PARD3B: variants seen among roughly 807,000 people sequenced by gnomAD.
The protein encoded by PARD3B is partitioning defective 3 homolog B.
PARD3B carries 103 observed loss-of-function variants against 130.2 expected under a neutral mutation model. The observed-to-expected ratio is 0.79, with a 90% CI of 0.67 to 0.93. The LOEUF (loss-of-function observed/expected upper bound fraction) is 0.93, where lower values mean the gene tolerates loss of function less well. Ranked by LOEUF, PARD3B falls within the 40% of genes least tolerant of loss-of-function variation. The probability of loss-of-function intolerance (pLI) is 0.00; values close to 1 mark genes in which losing one functional copy is unlikely to be tolerated. For missense variants in PARD3B, 1,609 were observed against 1,499.2 expected (o/e 1.07, Z -1.21); for synonymous variants, 583 against 553.2 (o/e 1.05, Z -0.76).
rs2036177035 is a variant in PARD3B, at chr2:204,669,394, A to G, written c.121-16787A>G. 6.6e-6 allele frequency among the ~76,000 whole-genome samples: 1 copy of G among 152,186 alleles called. No individual in the cohort carries two copies. Among genetic ancestry groups the G allele is most frequent in the Admixed American group, 6.6e-5 (1 of 15,258 alleles). On this transcript the variant is annotated intron_variant, in intron 1 of 22. Transcript: ENST00000406610. This position sits in a 1 kb window ranked among gnomAD's most constrained non-coding sequence, Gnocchi z 4.3. ...ATTGAATGTGATTATATCCACTTTT[A>G]TCAATATATAATTATTATCTAAGTA...
intron 10 of PARD3B, among the ~76,000 whole-genome samples, chr2:205,150,171 A>G (rs960016259): frequency 6.6e-6 from 1 of 151,836 alleles, no homozygotes; most frequent in African/African-American, 2.4e-5. Context: ...TTAAAACTAA[A>G]TGAAATTCAC....
rs933267509 is a variant in PARD3B at position 204,890,893 on chromosome 2, CATTG to C, written c.223-74256_223-74253del. Among the ~76,000 whole-genome samples, 52 of 152,148 alleles carry C rather than the reference CATTG, an allele frequency of 3.4e-4. No homozygotes were observed. The highest frequency in any genetic ancestry group is 1.2e-3 in the African/African-American group (48 of 41,438). Reference sequence around the variant, plus strand: ...TGTTTAGGATTTAAAACAACTGTGACATTGATCCTTTTCAACAGGCAAGAGATAA... The same window carrying C: ...TGTTTAGGATTTAAAACAACTGTGACATCCTTTTCAACAGGCAAGAGATAA... On this transcript the variant is annotated intron_variant, in intron 2 of 22. Transcript: ENST00000406610. This position sits in a 1 kb window ranked among gnomAD's most constrained non-coding sequence, Gnocchi z 4.9.
intron 1 of PARD3B, among the ~76,000 whole-genome samples, chr2:204,654,949 A>T (rs2035595424): frequency 6.6e-6 from 1 of 152,274 alleles, no homozygotes; most frequent in African/African-American, 2.4e-5. Context: ...AGACCTCCTA[A>T]AACAAGAGGA....
At chr2:205,295,594 G>A (rs765414134) in intron 16 of PARD3B, among the ~76,000 whole-genome samples, 2 of 152,214 alleles carry the variant, frequency 1.3e-5, no homozygotes, top group African/African-American at 4.8e-5. Flanking sequence ...GTATCTGGAA[G>A]TGAATATCTT....
At chr2:205,474,684 A>G (rs1326700637) in intron 20 of PARD3B, among the ~76,000 whole-genome samples, 3 of 152,190 alleles carry the variant, frequency 2.0e-5, no homozygotes, top group African/African-American at 4.8e-5. Flanking sequence ...AATGGAAATG[A>G]TGAATCAAAG....
chr2:205,052,430 TATATATATATATATATATATAA>T (rs1257001781), intron 4 of PARD3B, among the ~76,000 whole-genome samples: 7 of 21,380 alleles, frequency 3.3e-4, no homozygotes, highest in African/African-American at 9.2e-4. Flanking sequence ...TATATATATA[TATATATATATATATATATATAA>T]AATTAAAAAA....
intron 19 of PARD3B, among the ~76,000 whole-genome samples, chr2:205,402,514 A>G (rs963979345): frequency 6.6e-6 from 1 of 152,138 alleles, no homozygotes; most frequent in African/African-American, 2.4e-5. Flanking sequence ...TGTAGCTCAT[A>G]CTTACTTGGG....
chr2:204,859,923 C>T (rs1363277715), intron 2 of PARD3B, among the ~76,000 whole-genome samples: 1 of 152,066 alleles, frequency 6.6e-6, no homozygotes, highest in Non-Finnish European at 1.5e-5. Context: ...ACTTTAAAGT[C>T]AAGAATTTTA....
At chr2:205,310,657 A>C (rs1168848591) in intron 18 of PARD3B, among the ~76,000 whole-genome samples, 2 of 151,856 alleles carry the variant, frequency 1.3e-5, no homozygotes, top group African/African-American at 4.8e-5. Flanking sequence ...TGCTGCTGCA[A>C]ATGACAAGAT....
At chr2:205,075,205 T>G (rs1700967401) in intron 4 of PARD3B, among the ~76,000 whole-genome samples, 1 of 152,180 alleles carries the variant, frequency 6.6e-6, no homozygotes, top group Non-Finnish European at 1.5e-5. Flanking sequence ...CCTATAGGTA[T>G]TTCACATCAG....
In PARD3B at chr2:205,572,129, T is replaced by G. The variant is rs1000196312; in HGVS notation, c.3260+18726T>G. ...ATTCAGTAAACTTTTACATAAATACTACTATATAGCCAGCACTGAGGAAGT... is the reference window on the plus strand; with the variant it reads ...ATTCAGTAAACTTTTACATAAATACGACTATATAGCCAGCACTGAGGAAGT... On this transcript the variant is annotated intron_variant, in intron 22 of 22. Transcript: ENST00000406610. This position sits in a 1 kb window ranked among gnomAD's most constrained non-coding sequence, Gnocchi z 4.2. 6.6e-6 allele frequency among the ~76,000 whole-genome samples: 1 copy of G among 152,188 alleles called. No homozygotes were observed. The highest frequency in any genetic ancestry group is 2.4e-5 in the African/African-American group (1 of 41,458).
At chr2:205,029,531 C>T (rs547165463) in intron 3 of PARD3B, among the ~76,000 whole-genome samples, 1 of 152,152 alleles carries the variant, frequency 6.6e-6, no homozygotes, top group East Asian at 1.9e-4. Context: ...GAATGGATTA[C>T]GAATACCCAC....
intron 4 of PARD3B, among the ~76,000 whole-genome samples, chr2:205,063,576 A>G (rs957946047): frequency 6.6e-6 from 1 of 152,022 alleles, no homozygotes; most frequent in African/African-American, 2.4e-5. Context: ...AACACCCACA[A>G]CTACACTTAT....
chr2:205,562,641 T>G lies in PARD3B; in HGVS notation c.3260+9238T>G, dbSNP rs891267993. ...CTTCTCCAGCCAAAAGAAAAGAAGG[T>G]TGTTTTGTGCCTAGGCATCTGCTTA... On this transcript the variant is annotated intron_variant, in intron 22 of 22. Transcript: ENST00000406610. The surrounding 1 kb of genome is among the most constrained non-coding windows in gnomAD (Gnocchi z 5.4). 6.6e-6 allele frequency among the ~76,000 whole-genome samples: 1 copy of G among 152,144 alleles called. No individual in the cohort carries two copies. The highest frequency in any genetic ancestry group is 2.4e-5 in the African/African-American group (1 of 41,436).
intron 2 of PARD3B, among the ~76,000 whole-genome samples, chr2:204,766,441 G>A (rs2041151799): frequency 6.6e-6 from 1 of 151,994 alleles, no homozygotes; most frequent in Admixed American, 6.6e-5. Context: ...CACCACCCAT[G>A]GTAACTATTG....
intron 4 of PARD3B, among the ~76,000 whole-genome samples, chr2:205,102,709 T>G (rs1293021107): frequency 1.3e-5 from 2 of 151,894 alleles, no homozygotes; most frequent in Non-Finnish European, 2.9e-5. Context: ...GTGAGAGACA[T>G]TTTTTTTAAC....
Position 204,610,068 on chromosome 2 carries a change from T to A in PARD3B, c.120+63949T>A, listed in dbSNP as rs2033867890. ...AGCGTCTGTTTTTTCAGTCTTATGA[T>A]GCCAATTTCAATGTTAATGCTGGCC... On this transcript the variant is annotated intron_variant, in intron 1 of 22. Transcript: ENST00000406610. The surrounding 1 kb of genome is among the most constrained non-coding windows in gnomAD (Gnocchi z 4.1). Among the ~76,000 whole-genome samples, 2 of 152,096 alleles carry A rather than the reference T, an allele frequency of 1.3e-5. No individual in the cohort carries two copies. Among genetic ancestry groups the A allele is most frequent in the African/African-American group, 4.8e-5 (2 of 41,432 alleles).
chr2:204,994,254 C>T (rs1421658241), intron 3 of PARD3B, among the ~76,000 whole-genome samples: 7 of 120,184 alleles, frequency 5.8e-5, no homozygotes, highest in Non-Finnish European at 1.0e-4. Context: ...GCTTTGAATG[C>T]GTCCCAGAGA....
At chr2:204,712,407 T>C (rs937402111) in intron 2 of PARD3B, among the ~76,000 whole-genome samples, 15 of 151,792 alleles carry the variant, frequency 9.9e-5, no homozygotes, top group African/African-American at 3.4e-4. Flanking sequence ...GATTAGGAGT[T>C]TGAGACCAGC....
Sources: gnomAD v4.1 joint callset for allele counts (sites outside exome capture counted in the v4.1 genomes callset) on GRCh38, gnomAD v4.1.1 for gene constraint, Gnocchi (gnomAD v3.1) non-coding constraint, MANE v1.5 for transcripts, NCBI Gene and HGNC (gene_info 2026-07-23, HGNC 2026-07-21) for gene names.